The following HERC1 variants were observed in gnomAD, a reference collection of about 807,000 sequenced individuals.
HERC1 encodes HECT and RLD domain containing E3 ubiquitin protein ligase family member 1.
HERC1 carries 160 observed loss-of-function variants against 554.3 expected under a neutral mutation model. The ratio of observed to expected loss-of-function variants is 0.29; its 90% CI spans 0.25 to 0.33. The LOEUF (loss-of-function observed/expected upper bound fraction) is 0.33, where lower values mean the gene tolerates loss of function less well. HERC1 is among the 10% of genes least tolerant of loss of function. HERC1 has a pLI of 1.00. For synonymous variants in HERC1, 2,175 were observed against 2,131.7 expected, an observed-to-expected ratio of 1.02 and a Z score of -0.56; for missense variants, 4,919 against 5,918.5, an observed-to-expected ratio of 0.83 and a Z score of 5.54.
At chr15:63,632,270 G>A (rs377439130) in intron 68 of HERC1, 126 of 204,916 alleles carry the variant, frequency 6.1e-4, no homozygotes, top group African/African-American at 2.7e-3. Flanking sequence ...CAGTCCTACT[G>A]TGAATGCCTG....
chr15:63,744,242 AC>A (rs2074970789), intron 12 of HERC1, among the ~76,000 whole-genome samples: 1 of 149,448 alleles, frequency 6.7e-6, no homozygotes, highest in Non-Finnish European at 1.5e-5. Flanking sequence ...TGACACAAGC[AC>A]CCCTGTGGCC....
chr15:63,833,333 C>T (rs985839547), intron 1 of HERC1, among the ~76,000 whole-genome samples: 2 of 152,240 alleles, frequency 1.3e-5, no homozygotes, highest in Non-Finnish European at 2.9e-5. Context: ...CCAGCCTCCA[C>T]CCCGCTAAAG....
chr15:63,651,035 T>TA (rs1440201103), intron 53 of HERC1, among the ~76,000 whole-genome samples: 1 of 152,250 alleles, frequency 6.6e-6, no homozygotes, highest in East Asian at 1.9e-4. Context: ...TTTAAGTTTA[T>TA]AACTACTAGG....
At chr15:63,624,463 G>T in intron 71 of HERC1, 136 bp from the exon 72 acceptor site, 1 of 708,264 alleles carries the variant, frequency 1.4e-6, no homozygotes, top group Non-Finnish European at 2.3e-6. Context: ...TTGGGAGGCT[G>T]TGGTGGGCGG....
chr15:63,829,543 A>ATGTGTGTG lies in HERC1; in HGVS notation c.-27+4276_-27+4283dup, dbSNP rs752906693. Among the ~76,000 whole-genome samples the ATGTGTGTG allele has an allele frequency of 3.8e-3, 337 of 89,624 alleles. 4 individuals are homozygous for ATGTGTGTG. Among genetic ancestry groups the ATGTGTGTG allele is most frequent in the South Asian group, 0.023 (54 of 2,360 alleles). The allele number at this position is 89,624 out of a possible 152,430, so 58.8% of individuals were successfully genotyped here. On this transcript the variant is annotated intron_variant, in intron 1 of 77. Transcript: ENST00000443617. Reference sequence around the variant, plus strand: ...AAATAATATGTGTGCACATATATGTATGTGTGTGTGTGTGTGTGTATATAT... The same window carrying ATGTGTGTG: ...AAATAATATGTGTGCACATATATGTATGTGTGTGTGTGTGTGTGTGTGTGTGTATATAT...
intron 1 of HERC1, among the ~76,000 whole-genome samples, chr15:63,804,559 C>A (rs1373714135): frequency 2.0e-5 from 3 of 151,288 alleles, no homozygotes; most frequent in Non-Finnish European, 4.4e-5. Context: ...GCACTCCAGC[C>A]TGGGCAACAA....
chr15:63,705,211 T>C (rs964613620), intron 25 of HERC1, among the ~76,000 whole-genome samples: 2 of 152,108 alleles, frequency 1.3e-5, no homozygotes, highest in African/African-American at 4.8e-5. Context: ...TGGAGTGCAG[T>C]GGCATGATCA....
intron 38 of HERC1, 34 bp from the exon 39 acceptor site, chr15:63,672,728 A>C: frequency 6.9e-7 from 1 of 1,451,658 alleles, no homozygotes. Flanking sequence ...GAAAGTAGTA[A>C]GGATTTGTTT....
chr15:63,620,092 T>C (rs1200956440), intron 74 of HERC1, among the ~76,000 whole-genome samples: 2 of 152,234 alleles, frequency 1.3e-5, no homozygotes, highest in African/African-American at 4.8e-5. Context: ...TGTTAGGGTG[T>C]CAATTTTCGA....
At chr15:63,633,155 C>T (rs962935447) in intron 67 of HERC1, among the ~76,000 whole-genome samples, 12 of 152,180 alleles carry the variant, frequency 7.9e-5, no homozygotes, top group African/African-American at 1.7e-4. Flanking sequence ...CTTTTATGGG[C>T]GACAATAACT....
At position 63,746,028 on chromosome 15, in the gene HERC1, T is replaced by A. The variant is rs545791361; in HGVS notation, c.2520+890A>T. On this transcript the variant is annotated intron_variant, in intron 12 of 77. Coordinates refer to ENST00000443617, the MANE Select transcript of HERC1 (RefSeq NM_003922.4). ...ATTGTTTTTCTGTTCTTTATTTTTTTAATTTCACTCTAATCTACATTAGTT... is the reference window on the plus strand; with the variant it reads ...ATTGTTTTTCTGTTCTTTATTTTTTAAATTTCACTCTAATCTACATTAGTT... Among the ~76,000 whole-genome samples, 5 of 152,280 alleles carry A rather than the reference T, an allele frequency of 3.3e-5. No homozygotes were observed. In the East Asian group the frequency reaches 7.7e-4, roughly 23 times the overall value.
chr15:63,629,391 G>A (rs1052890281), intron 69 of HERC1, among the ~76,000 whole-genome samples: 3 of 152,096 alleles, frequency 2.0e-5, no homozygotes, highest in Non-Finnish European at 2.9e-5. Context: ...TTCCACTTAC[G>A]GAAAGGAAAT....
chr15:63,626,773 C>T (rs1454488081), intron 70 of HERC1, among the ~76,000 whole-genome samples: 2 of 152,174 alleles, frequency 1.3e-5, no homozygotes, highest in Admixed American at 1.3e-4. Flanking sequence ...CTTCAGTTTC[C>T]TGTAAATAAA....
At position 63,636,004 on chromosome 15, in the gene HERC1, C is replaced by T. The variant is rs759136294; in HGVS notation, c.12371G>A (p.Arg4124Gln). Reference protein sequence around the residue: ...LGHGNSDRQRRPRQIEALQGE... With the variant: ...LGHGNSDRQRQPRQIEALQGE... ...TTGTAAGGCCTCGATCTGCCTGGGCCGCCGCTGCCTGTCGCTGTTCCCATG... is the reference window on the plus strand; with the variant it reads ...TTGTAAGGCCTCGATCTGCCTGGGCTGCCGCTGCCTGTCGCTGTTCCCATG... Residue 4124 changes from arginine to glutamine, a missense_variant, in exon 65 of 78, where the codon CGG (arginine) becomes CAG (glutamine). Around this residue, in one of 11 missense-constraint regions of HERC1, gnomAD observed 122 missense variants for 195.2 expected, o/e 0.63. Coordinates refer to ENST00000443617, the MANE Select transcript of HERC1 (RefSeq NM_003922.4). 1.9e-6 allele frequency: 3 copies of T among 1,613,914 alleles called. No individual in the cohort carries two copies. Among genetic ancestry groups the T allele is most frequent in the Non-Finnish European group, 8.5e-7 (1 of 1,179,878 alleles).
chr15:63,663,200 T>A lies in HERC1; in HGVS notation c.8685A>T (p.Gly2895=). 1 of 1,612,758 alleles carries A rather than the reference T, an allele frequency of 6.2e-7. No individual in the cohort carries two copies. Among genetic ancestry groups the A allele is most frequent in the Non-Finnish European group, 8.5e-7 (1 of 1,179,176 alleles). ...AARTLLARAA[G]LYRSVQAHRN... ...TGTGGGCCTGCACAGAGCGGTATAATCCCGCTCAGAACAAAACAAAAAAGG... is the reference window on the plus strand; with the variant it reads ...TGTGGGCCTGCACAGAGCGGTATAAACCCGCTCAGAACAAAACAAAAAAGG... The change falls in exon 44 of 78, where the codon GGA becomes GGT. Residue 2895 remains glycine, a synonymous_variant. Transcript: ENST00000443617.
rs1308398607 is a variant in HERC1 at position 63,756,331 on chromosome 15, G to C, written c.1533+106C>G. On this transcript the variant is annotated intron_variant, in intron 5 of 77. Coordinates refer to ENST00000443617, the MANE Select transcript of HERC1 (RefSeq NM_003922.4). The surrounding 1 kb of genome is among the most constrained non-coding windows in gnomAD (Gnocchi z 5.0). ...AGAGATACAAAAGATTAAGCCAAAG[G>C]GTTGAAGGGGCAACTGCAGAAAGAA... is the stretch of plus-strand genomic sequence containing the variant. The C allele has an allele frequency of 1.2e-6, 1 of 869,056 alleles. No homozygotes were observed. The highest frequency in any genetic ancestry group is 1.8e-6 in the Non-Finnish European group (1 of 544,494). 53.8% of individuals were successfully genotyped at this position (869,056 alleles called of 1,614,324 possible).
In HERC1 at chr15:63,641,533, G is replaced by A; in HGVS notation, c.11544C>T (p.Pro3848=). The change falls in exon 60 of 78, where the codon CCC becomes CCT. Residue 3848 remains proline, a synonymous_variant. Coordinates refer to ENST00000443617, the MANE Select transcript of HERC1 (RefSeq NM_003922.4). The stretch of plus-strand genomic sequence containing the variant: ...GCCGCTCCAAAAATGCTCTCATGCA[G>A]GGAGCCATGTTCAATCCCAGAACAC... The part of the protein sequence containing the change: ...QQGVLGLNMA[P]CMRAFLERLP... The A allele has an allele frequency of 2.5e-6, 4 of 1,613,328 alleles. No individual in the cohort carries two copies. The South Asian group carries it at 3.3e-5, about 13-fold the overall frequency.
intron 16 of HERC1, 121 bp downstream of exon 16, chr15:63,729,115 A>G (rs2074167188): frequency 4.4e-6 from 4 of 905,652 alleles, no homozygotes; most frequent in African/African-American, 3.4e-5. Flanking sequence ...GGAATCTTCA[A>G]TAGAAGGAAA....
intron 24 of HERC1, among the ~76,000 whole-genome samples, chr15:63,707,736 C>A (rs936240408): frequency 1.3e-5 from 2 of 151,984 alleles, no homozygotes; most frequent in Non-Finnish European, 2.9e-5. Flanking sequence ...CGAGACCAGC[C>A]GGGCCAACAA....
Sources: allele counts gnomAD v4.1 joint callset (sites outside exome capture counted in the v4.1 genomes callset), GRCh38; gene constraint gnomAD v4.1.1; regional missense constraint gnomAD v4.1.1; non-coding constraint Gnocchi (gnomAD v3.1); transcripts MANE v1.5; gene names NCBI Gene and HGNC (gene_info 2026-07-23, HGNC 2026-07-21).